The following SPAG16 variants were observed in gnomAD, a reference collection of about 807,000 sequenced individuals.
The protein encoded by SPAG16 is sperm-associated antigen 16 protein.
SPAG16 carries 86 observed loss-of-function variants against 80.4 expected under a neutral mutation model. The ratio of observed to expected loss-of-function variants is 1.07; its 90% CI spans 0.90 to 1.28. The LOEUF (loss-of-function observed/expected upper bound fraction) is 1.28. SPAG16 is among the 50% of genes most tolerant of loss of function. SPAG16 has a pLI of 0.00. For synonymous variants in SPAG16, 294 were observed against 265.9 expected (o/e 1.11, Z -1.03); for missense variants, 870 against 765.3 (o/e 1.14, Z -1.61).
At chr2:213,951,032 T>TA (rs1553678571) in intron 12 of SPAG16, among the ~76,000 whole-genome samples, 17 of 150,982 alleles carry the variant, frequency 1.1e-4, no homozygotes, top group Non-Finnish European at 1.8e-4. Flanking sequence ...TTTTTTTTTT[T>TA]AATAATACAT....
chr2:213,744,791 A>G (rs950142415), intron 10 of SPAG16, among the ~76,000 whole-genome samples: 2 of 152,232 alleles, frequency 1.3e-5, no homozygotes, highest in Non-Finnish European at 2.9e-5. Flanking sequence ...AGTTTGGCAT[A>G]TGGTGGTTTA....
intron 15 of SPAG16, among the ~76,000 whole-genome samples, chr2:214,277,792 C>A (rs1024291930): frequency 1.3e-5 from 2 of 152,174 alleles, no homozygotes; most frequent in Non-Finnish European, 2.9e-5. Context: ...GCAGTCTGTC[C>A]GTTCTCAGAG....
At chr2:214,408,978 TTAAA>T (rs1192776048) in intron 15 of SPAG16, among the ~76,000 whole-genome samples, 13 of 151,638 alleles carry the variant, frequency 8.6e-5, no homozygotes, top group East Asian at 1.9e-4. Context: ...ATTTAAAATA[TTAAA>T]TAGTTAATAC....
chr2:213,990,537 T>G (rs1458335838), intron 12 of SPAG16, among the ~76,000 whole-genome samples: 1 of 152,172 alleles, frequency 6.6e-6, no homozygotes, highest in African/African-American at 2.4e-5. Flanking sequence ...TTATATACTC[T>G]GTTCTTATAA....
intron 10 of SPAG16, among the ~76,000 whole-genome samples, chr2:213,533,888 C>A (rs2076154903): frequency 6.6e-6 from 1 of 151,890 alleles, no homozygotes; most frequent in Non-Finnish European, 1.5e-5. Flanking sequence ...TGTTTGCAGA[C>A]TTTTGTTTGC....
At chr2:213,398,280 T>A (rs1364425263) in intron 9 of SPAG16, among the ~76,000 whole-genome samples, 1 of 152,114 alleles carries the variant, frequency 6.6e-6, no homozygotes, top group Non-Finnish European at 1.5e-5. Context: ...GCAGCCACAG[T>A]CATCTTCTTA....
chr2:214,069,221 T>C (rs2050672136), intron 13 of SPAG16, among the ~76,000 whole-genome samples: 1 of 152,144 alleles, frequency 6.6e-6, no homozygotes, highest in African/African-American at 2.4e-5. Context: ...TTCCGATACG[T>C]GTATATTGTT....
intron 15 of SPAG16, among the ~76,000 whole-genome samples, chr2:214,337,545 G>A (rs1354064920): frequency 6.6e-6 from 1 of 152,196 alleles, no homozygotes; most frequent in Non-Finnish European, 1.5e-5. Flanking sequence ...ATATAATGTT[G>A]TTTGGGCCCT....
chr2:213,870,595 T>C (rs1375298534), intron 11 of SPAG16, among the ~76,000 whole-genome samples: 1 of 152,166 alleles, frequency 6.6e-6, no homozygotes, highest in Non-Finnish European at 1.5e-5. Flanking sequence ...AGTTGCTCAT[T>C]TGAAAAGGAT....
intron 10 of SPAG16, among the ~76,000 whole-genome samples, chr2:213,649,428 AT>A (rs2062944843): frequency 1.3e-5 from 2 of 152,204 alleles, no homozygotes; most frequent in Non-Finnish European, 2.9e-5. Flanking sequence ...GTTATGAATT[AT>A]TTTTTTCTCA....
chr2:213,441,539 A>G lies in SPAG16; in HGVS notation c.943-48424A>G, dbSNP rs904531435. Reference sequence around the variant, plus strand: ...ACTTACAAAGTATCAGTAATGTTCTATTTTTTGACCTGGGTGGTAATTAAA... The same window carrying G: ...ACTTACAAAGTATCAGTAATGTTCTGTTTTTTGACCTGGGTGGTAATTAAA... On this transcript the variant is annotated intron_variant, in intron 9 of 15. Transcript: ENST00000331683. Among the ~76,000 whole-genome samples, 9 of 152,164 alleles carry G rather than the reference A, an allele frequency of 5.9e-5. No individual in the cohort carries two copies. In the East Asian group the frequency reaches 1.5e-3, roughly 26 times the overall value.
intron 10 of SPAG16, among the ~76,000 whole-genome samples, chr2:213,597,674 T>C (rs1162285263): frequency 6.6e-6 from 1 of 152,144 alleles, no homozygotes; most frequent in African/African-American, 2.4e-5. Context: ...TTCTCCAAAA[T>C]CTTTACAAAT....
intron 11 of SPAG16, among the ~76,000 whole-genome samples, chr2:213,903,441 C>A (rs116119403): frequency 0.01 from 1,580 of 152,292 alleles, 35 homozygotes; most frequent in African/African-American, 0.035. Context: ...GAGCTTGCAC[C>A]CTCTGCAAGC....
At chr2:213,830,702 C>T (rs1454385760) in intron 10 of SPAG16, among the ~76,000 whole-genome samples, 2 of 152,142 alleles carry the variant, frequency 1.3e-5, no homozygotes, top group Admixed American at 6.6e-5. Context: ...ACACCAACTA[C>T]TTGACATTAT....
intron 10 of SPAG16, among the ~76,000 whole-genome samples, chr2:213,656,466 G>A (rs947931895): frequency 6.6e-6 from 1 of 152,192 alleles, no homozygotes; most frequent in Non-Finnish European, 1.5e-5. Flanking sequence ...GCCGATGTGT[G>A]CCATTTTTAT....
chr2:213,548,506 C>T (rs1215459438), intron 10 of SPAG16, among the ~76,000 whole-genome samples: 3 of 152,146 alleles, frequency 2.0e-5, no homozygotes, highest in Admixed American at 6.5e-5. Flanking sequence ...CCACTGCGCC[C>T]GACCCTTACA....
intron 10 of SPAG16, among the ~76,000 whole-genome samples, chr2:213,596,047 T>C (rs1478219924): frequency 6.6e-6 from 1 of 152,080 alleles, no homozygotes; most frequent in East Asian, 1.9e-4. Context: ...ACAAAATGAT[T>C]ATAAATTACC....
intron 9 of SPAG16, among the ~76,000 whole-genome samples, chr2:213,449,307 C>T (rs1256598326): frequency 6.6e-6 from 1 of 152,046 alleles, no homozygotes; most frequent in East Asian, 1.9e-4. Flanking sequence ...GAATATAGAC[C>T]CTTATCAATG....
chr2:214,143,698 A>C (rs962619270), intron 14 of SPAG16, among the ~76,000 whole-genome samples: 8 of 152,202 alleles, frequency 5.3e-5, no homozygotes, highest in Non-Finnish European at 7.3e-5. Flanking sequence ...TTAGTGATTT[A>C]AAATCAAATA....
Sources: gnomAD v4.1 joint callset for allele counts (sites outside exome capture counted in the v4.1 genomes callset) on GRCh38, gnomAD v4.1.1 for gene constraint, MANE v1.5 for transcripts, NCBI Gene and HGNC (gene_info 2026-07-23, HGNC 2026-07-21) for gene names.